Variants in MARF1 observed in about 807,000 individuals in gnomAD.
MARF1 encodes limkain-b1.
A neutral mutation model predicts 168.2 loss-of-function variants in MARF1; 24 were observed. That is an observed-to-expected ratio of 0.14 (90% CI 0.10 to 0.20). The LOEUF (loss-of-function observed/expected upper bound fraction) is 0.20, where lower values mean the gene tolerates loss of function less well. Among genes scored for constraint, MARF1 ranks in the 10% least tolerant of loss-of-function variants. MARF1 has a pLI of 1.00. For missense variants in MARF1, 1,744 were observed against 2,143.6 expected (o/e 0.81, Z 3.68); for synonymous variants, 868 against 822.4 (o/e 1.06, Z -0.95).
At chr16:15,619,272 G>A (rs976117860) in intron 13 of MARF1, among the ~76,000 whole-genome samples, 1 of 152,148 alleles carries the variant, frequency 6.6e-6, no homozygotes, top group Non-Finnish European at 1.5e-5. Flanking sequence ...GTGAGACCCT[G>A]GCTCAATAAA....
intron 22 of MARF1, chr16:15,602,804 C>T (rs184059636): frequency 1.6e-5 from 6 of 363,842 alleles, no homozygotes; most frequent in African/African-American, 6.4e-5. Context: ...TGGCAAATCA[C>T]GGTACACACA....
intron 8 of MARF1, 73 bp downstream of exon 8, chr16:15,625,298 CA>C: frequency 6.5e-7 from 1 of 1,546,662 alleles, no homozygotes; most frequent in South Asian, 1.2e-5. Flanking sequence ...ACGCCAAAAG[CA>C]AGCGGGCACG....
chr16:15,620,573 C>T (rs769997846), intron 12 of MARF1, 42 bp from the exon 13 acceptor site: 5 of 1,273,300 alleles, frequency 3.9e-6, no homozygotes, highest in Non-Finnish European at 4.4e-6. Flanking sequence ...CCATTTCCTC[C>T]ATATTACAAG....
At chr16:15,636,397 GT>G in intron 2 of MARF1, 55 bp from the exon 3 acceptor site, 1 of 1,349,602 alleles carries the variant, frequency 7.4e-7, no homozygotes, top group Non-Finnish European at 1.0e-6. Context: ...TGGTTTTTTG[GT>G]TACTCATATC....
chr16:15,624,631 A>AG (rs2034706057), intron 10 of MARF1, 138 bp downstream of exon 10: 1 of 756,924 alleles, frequency 1.3e-6, no homozygotes, highest in African/African-American at 1.7e-5. Flanking sequence ...ACCTGAGGAG[A>AG]GGGGGACTGG....
intron 5 of MARF1, among the ~76,000 whole-genome samples, chr16:15,632,210 A>T (rs1426616889): frequency 6.6e-6 from 1 of 152,182 alleles, no homozygotes; most frequent in Non-Finnish European, 1.5e-5. Context: ...TAGGAAGTGA[A>T]ATTTGAACTC....
At chr16:15,615,383 T>G (rs1456580083) in intron 16 of MARF1, among the ~76,000 whole-genome samples, 1 of 152,112 alleles carries the variant, frequency 6.6e-6, no homozygotes, top group African/African-American at 2.4e-5. Flanking sequence ...CCCAGCACTT[T>G]GGGAGGCGGA....
At chr16:15,638,323 C>T (rs532753329) in intron 2 of MARF1, among the ~76,000 whole-genome samples, 10 of 151,964 alleles carry the variant, frequency 6.6e-5, no homozygotes, top group South Asian at 2.1e-4. Flanking sequence ...CGGTGGCTCA[C>T]GCCTGTAATC....
At position 15,595,537 on chromosome 16, in the gene MARF1, G is replaced by C. The variant is rs973815626; in HGVS notation, c.*1156C>G. Reference sequence around the variant, plus strand: ...CGTCAGCGGACACCTCAGGCACCTAGAGAGGAAGGCCATTCCACACCAGAC... The same window carrying C: ...CGTCAGCGGACACCTCAGGCACCTACAGAGGAAGGCCATTCCACACCAGAC... On this transcript the variant is annotated 3_prime_UTR_variant, in exon 27 of 27. Transcript: ENST00000396368. 1 of 152,652 alleles carries C rather than the reference G, an allele frequency of 6.6e-6. No individual in the cohort carries two copies. The highest frequency in any genetic ancestry group is 1.5e-5 in the Non-Finnish European group (1 of 68,028). The allele number at this position is 152,652 out of a possible 1,614,324, so 9.5% of individuals were successfully genotyped here. A position where few individuals can be genotyped will look rare whatever the true frequency, so the allele number is the denominator to read the frequency against.
intron 2 of MARF1, 140 bp downstream of exon 2, chr16:15,638,950 T>C (rs2035771793): frequency 2.9e-6 from 2 of 687,968 alleles, no homozygotes; most frequent in Non-Finnish European, 4.6e-6. Flanking sequence ...TATAATGTGG[T>C]ATAAGAGGCA....
At chr16:15,597,315 G>A (rs547036070) in intron 26 of MARF1, among the ~76,000 whole-genome samples, 1 of 152,344 alleles carries the variant, frequency 6.6e-6, no homozygotes, top group Non-Finnish European at 1.5e-5. Flanking sequence ...GCGGGAGGCC[G>A]TGGGTGGTAG....
chr16:15,641,068 G>A (rs1014228596), intron 1 of MARF1, among the ~76,000 whole-genome samples: 7 of 152,084 alleles, frequency 4.6e-5, no homozygotes, highest in Non-Finnish European at 8.8e-5. Flanking sequence ...GCCCTTCAGC[G>A]TGGGCAACAG....
chr16:15,617,182 G>C lies in MARF1; in HGVS notation c.2958-11C>G. ...TCAAATTCATGTTCGCTGAAGAAAA[G>C]AGAACACAATTGGAAGCTGACATTC... On this transcript the variant is annotated splice_polypyrimidine_tract_variant and intron_variant, in intron 14 of 26. Coordinates refer to ENST00000396368, the MANE Select transcript of MARF1 (RefSeq NM_014647.4). 6.2e-7 allele frequency: 1 copy of C among 1,613,640 alleles called. No homozygotes were observed. Among genetic ancestry groups the C allele is most frequent in the Non-Finnish European group, 8.5e-7 (1 of 1,179,858 alleles).
chr16:15,596,866 C>G lies in MARF1; in HGVS notation c.5056G>C (p.Asp1686His). The G allele has an allele frequency of 6.2e-7, 1 of 1,613,978 alleles. No homozygotes were observed. The highest frequency in any genetic ancestry group is 1.1e-5 in the South Asian group (1 of 91,078). ...IPGKSKTLTS[D>H]SSSSCISAAV... ...GCTGAGATGCAGGACGAGCTGGAGTCAGAGGTCAGAGTTTTGCTCTTTCCT... is the reference window on the plus strand; with the variant it reads ...GCTGAGATGCAGGACGAGCTGGAGTGAGAGGTCAGAGTTTTGCTCTTTCCT... Residue 1686 changes from aspartate (D) to histidine (H), a missense_variant, in exon 27 of 27, where the codon GAC becomes CAC. This residue lies in a region of MARF1 where 313 missense variants were observed against 337.4 expected (regional missense o/e 0.93). Transcript: ENST00000396368.
chr16:15,636,347 G>T lies in MARF1; in HGVS notation c.145-5C>A. The T allele has an allele frequency of 6.6e-7, 1 of 1,525,276 alleles. No homozygotes were observed. 94.5% of individuals were successfully genotyped at this position (1,525,276 alleles called of 1,614,324 possible). On this transcript the variant is annotated splice_polypyrimidine_tract_variant and splice_region_variant and intron_variant, in intron 2 of 26. Coordinates refer to ENST00000396368, the MANE Select transcript of MARF1 (RefSeq NM_014647.4). ...CTTGTTCTCCATGTACTCTTTCTGA[G>T]AAAAGAAAATCAGAACATAAATTAA...
intron 25 of MARF1, among the ~76,000 whole-genome samples, chr16:15,600,058 CCTCA>C (rs1221963131): frequency 6.6e-6 from 1 of 152,174 alleles, no homozygotes; most frequent in Non-Finnish European, 1.5e-5. Context: ...CCCACTGAGC[CCTCA>C]CTCTGCTCCT....
At chr16:15,612,378 G>A (rs1284472777) in intron 17 of MARF1, among the ~76,000 whole-genome samples, 179 bp downstream of exon 17, 5 of 152,174 alleles carry the variant, frequency 3.3e-5, no homozygotes, top group African/African-American at 7.2e-5. Context: ...AACTAGCAGC[G>A]TTCTGAAAAA....
chr16:15,623,673 C>A (rs1055232071), intron 10 of MARF1, among the ~76,000 whole-genome samples: 19 of 152,160 alleles, frequency 1.2e-4, no homozygotes, highest in African/African-American at 3.9e-4. Flanking sequence ...AATATATATT[C>A]TTCCTTTGGG....
intron 18 of MARF1, 125 bp from the exon 19 acceptor site, chr16:15,611,233 C>T (rs773889653): frequency 2.4e-5 from 21 of 869,556 alleles, no homozygotes; most frequent in Admixed American, 4.5e-5. Flanking sequence ...CCGAGGTGGA[C>T]GGATCACGAG....
Sources: allele counts gnomAD v4.1 joint callset (sites outside exome capture counted in the v4.1 genomes callset), GRCh38; gene constraint gnomAD v4.1.1; regional missense constraint gnomAD v4.1.1; transcripts MANE v1.5; gene names NCBI Gene and HGNC (gene_info 2026-07-23, HGNC 2026-07-21).